Variants in SFXN1 observed in about 807,000 individuals in gnomAD.
The protein encoded by SFXN1 is sideroflexin 1.
Under a neutral mutation model 39.5 loss-of-function variants are expected in SFXN1, and 32 were observed. The observed-to-expected ratio is 0.81, with a 90% CI of 0.61 to 1.09. The LOEUF is 1.09. Among genes scored for constraint, SFXN1 ranks in the 50% least tolerant of loss-of-function variants. SFXN1 has a pLI of 0.00. For missense variants in SFXN1, 402 were observed against 407.1 expected (o/e 0.99, Z 0.11); for synonymous variants, 136 against 146.5 (o/e 0.93, Z 0.52).
At position 175,526,853 on chromosome 5, in the gene SFXN1, C is replaced by A; in HGVS notation, c.*119C>A. On this transcript the variant is annotated 3_prime_UTR_variant, in exon 11 of 11. Transcript: ENST00000321442. ...GTTACGGAAACCTTTTAAAGATCCA[C>A]ATTAGCCTTTTAGAATAAAGCTGCT... is the stretch of plus-strand genomic sequence containing the variant. The A allele has an allele frequency of 1.2e-6, 1 of 818,172 alleles. No homozygotes were observed. The highest frequency in any genetic ancestry group is 2.0e-6 in the Non-Finnish European group (1 of 492,584). 50.7% of individuals were successfully genotyped at this position (818,172 alleles called of 1,614,324 possible).
chr5:175,496,629 C>T (rs1759869702), intron 2 of SFXN1, among the ~76,000 whole-genome samples: 1 of 152,178 alleles, frequency 6.6e-6, no homozygotes, highest in South Asian at 2.1e-4. Context: ...TTTTAAAAAT[C>T]AAATCAAAGA....
intron 2 of SFXN1, among the ~76,000 whole-genome samples, chr5:175,495,267 A>C (rs1468580918): frequency 6.6e-6 from 1 of 152,208 alleles, no homozygotes; most frequent in African/African-American, 2.4e-5. Context: ...TCAGAGACAG[A>C]AAGTAGAGGG....
At chr5:175,481,518 G>A (rs574896588) in intron 1 of SFXN1, among the ~76,000 whole-genome samples, 3 of 152,302 alleles carry the variant, frequency 2.0e-5, no homozygotes, top group South Asian at 2.1e-4. Flanking sequence ...GTTTCACCAC[G>A]TTAGCCAGGA....
chr5:175,487,530 T>C (rs566147639), intron 1 of SFXN1, among the ~76,000 whole-genome samples: 1 of 152,322 alleles, frequency 6.6e-6, no homozygotes, highest in South Asian at 2.1e-4. Context: ...CTCCTGGTTT[T>C]GCACCCACCA....
intron 10 of SFXN1, chr5:175,523,204 C>A (rs1760933542): frequency 1.3e-5 from 2 of 152,352 alleles, no homozygotes; most frequent in Non-Finnish European, 2.9e-5. Flanking sequence ...TGTATCTGCT[C>A]TCCCACTCTG....
chr5:175,479,607 G>T (rs1368376583), intron 1 of SFXN1, among the ~76,000 whole-genome samples: 1 of 151,940 alleles, frequency 6.6e-6, no homozygotes, highest in African/African-American at 2.4e-5. Flanking sequence ...TTCTCCTCAT[G>T]TGAACAGGGC....
chr5:175,524,125 A>AAAAT (rs1760980229), intron 10 of SFXN1: 1 of 32,516 alleles, frequency 3.1e-5, no homozygotes. Context: ...AAAAAAAAAA[A>AAAAT]ATATATATAT....
rs1462592401 is a variant in SFXN1 at position 175,508,917 on chromosome 5, A to G, written c.165-115A>G. ...CCCAAAGTGCTGGGATTACAGACGT[A>G]AGCCACCACACCCAGCCAGAGCATA... is the stretch of plus-strand genomic sequence containing the variant. On this transcript the variant is annotated intron_variant, in intron 2 of 10. Transcript: ENST00000321442. 13 of 967,026 alleles carry G rather than the reference A, an allele frequency of 1.3e-5. No individual in the cohort carries two copies. In the Admixed American group the frequency reaches 2.1e-4, roughly 16 times the overall value. 59.9% of individuals were successfully genotyped at this position (967,026 alleles called of 1,614,324 possible).
intron 2 of SFXN1, among the ~76,000 whole-genome samples, chr5:175,494,584 C>CA (rs373100172): frequency 4.0e-5 from 6 of 151,500 alleles, no homozygotes; most frequent in Admixed American, 6.6e-5. Flanking sequence ...CCCGTCTCTA[C>CA]AAAAAAAAGT....
At chr5:175,494,714 T>C (rs1759790993) in intron 2 of SFXN1, among the ~76,000 whole-genome samples, 1 of 150,240 alleles carries the variant, frequency 6.7e-6, no homozygotes. Context: ...ATCATGCCAC[T>C]GCACTCCAGC....
chr5:175,506,239 C>G (rs1760287484), intron 2 of SFXN1, among the ~76,000 whole-genome samples: 1 of 152,168 alleles, frequency 6.6e-6, no homozygotes, highest in Non-Finnish European at 1.5e-5. Flanking sequence ...TAGATAGAAA[C>G]TTTATTCCTA....
chr5:175,482,888 GC>G (rs1759306517), intron 1 of SFXN1, among the ~76,000 whole-genome samples: 1 of 152,048 alleles, frequency 6.6e-6, no homozygotes, highest in South Asian at 2.1e-4. Context: ...ACACCACAGG[GC>G]GGGGGGCCTC....
intron 6 of SFXN1, 108 bp from the exon 7 acceptor site, chr5:175,513,355 A>T: frequency 1.1e-5 from 7 of 665,426 alleles, no homozygotes; most frequent in Non-Finnish European, 1.6e-5. Context: ...ATGACACTTG[A>T]GTGGGTATTT....
At chr5:175,526,189 A>G (rs1198401134) in intron 10 of SFXN1, among the ~76,000 whole-genome samples, 3 of 147,376 alleles carry the variant, frequency 2.0e-5, no homozygotes, top group Non-Finnish European at 3.0e-5. Context: ...TGTATTACAT[A>G]CAGTAAACAA....
intron 5 of SFXN1, among the ~76,000 whole-genome samples, chr5:175,511,803 G>T (rs950361744): frequency 2.0e-5 from 3 of 152,108 alleles, no homozygotes; most frequent in African/African-American, 7.2e-5. Context: ...GCAGAGGGCA[G>T]TGTGCCTCAG....
rs759514672 is a variant in SFXN1 at position 175,522,363 on chromosome 5, A to AT, written c.825-4dup. 4.3e-5 allele frequency: 67 copies of AT among 1,574,156 alleles called. No homozygotes were observed. The highest frequency in any genetic ancestry group is 1.1e-4 in the Admixed American group (5 of 46,846). ...TTAAAATGGTCTGACTTTTTTTTGT[A>AT]TTTTTTTTAAGTTTGGTGTTTGCTA... On this transcript the variant is annotated splice_polypyrimidine_tract_variant and intron_variant, in intron 9 of 10. Coordinates refer to ENST00000321442, the MANE Select transcript of SFXN1 (RefSeq NM_022754.7).
At chr5:175,492,436 C>A in intron 2 of SFXN1, 169 bp downstream of exon 2, 1 of 588,810 alleles carries the variant, frequency 1.7e-6, no homozygotes, top group Non-Finnish European at 2.9e-6. Context: ...TTATATCCCC[C>A]ATTGCTCGCC....
chr5:175,500,055 G>A (rs1473162676), intron 2 of SFXN1, among the ~76,000 whole-genome samples: 2 of 152,156 alleles, frequency 1.3e-5, no homozygotes, highest in African/African-American at 4.8e-5. Context: ...AGGCCTGGTG[G>A]TGCATGCCTG....
In SFXN1 at chr5:175,528,354, T is replaced by C. The variant is rs1337547226; in HGVS notation, c.*1620T>C. ...CAATCTAGAGATGATTTAGCAAGTATACAGGAGGATGTGCCTAGGTTATAT... is the reference window on the plus strand; with the variant it reads ...CAATCTAGAGATGATTTAGCAAGTACACAGGAGGATGTGCCTAGGTTATAT... On this transcript the variant is annotated 3_prime_UTR_variant, in exon 11 of 11. Transcript: ENST00000321442. The C allele has an allele frequency of 6.6e-6, 1 of 152,224 alleles. No homozygotes were observed. The highest frequency in any genetic ancestry group is 2.4e-5 in the African/African-American group (1 of 41,448). 9.4% of individuals were successfully genotyped at this position (152,224 alleles called of 1,614,324 possible).
Sources: gnomAD v4.1 joint callset for allele counts (sites outside exome capture counted in the v4.1 genomes callset) on GRCh38, gnomAD v4.1.1 for gene constraint, MANE v1.5 for transcripts, NCBI Gene and HGNC (gene_info 2026-07-23, HGNC 2026-07-21) for gene names.